DISC1: variants seen among roughly 807,000 people sequenced by gnomAD.
DISC1 encodes DISC1 scaffold protein.
A neutral mutation model predicts 84.5 loss-of-function variants in DISC1; 57 were observed. That is an observed-to-expected ratio of 0.67 (90% CI 0.55 to 0.84). The LOEUF is 0.84. Among genes scored for constraint, DISC1 ranks in the 40% least tolerant of loss-of-function variants. The pLI is 0.00. For synonymous variants in DISC1, 411 were observed against 415.2 expected, an observed-to-expected ratio of 0.99 and a Z score of 0.12; for missense variants, 1,000 against 1,057.8, an observed-to-expected ratio of 0.95 and a Z score of 0.76.
At chr1:231,662,004 G>A (rs1401784686) in intron 1 of DISC1, among the ~76,000 whole-genome samples, 1 of 152,180 alleles carries the variant, frequency 6.6e-6, no homozygotes, top group Non-Finnish European at 1.5e-5. Context: ...CTACCGTAGG[G>A]CTGCTGCAGT....
At chr1:232,017,341 T>C (rs970536335) in intron 11 of DISC1, among the ~76,000 whole-genome samples, 1 of 152,162 alleles carries the variant, frequency 6.6e-6, no homozygotes, top group Admixed American at 6.6e-5. Context: ...CAAGTAGCGT[T>C]TTTGGCTTGT....
chr1:231,991,222 C>A (rs1320236504), intron 10 of DISC1, among the ~76,000 whole-genome samples: 1 of 152,230 alleles, frequency 6.6e-6, no homozygotes, highest in Admixed American at 6.5e-5. Context: ...GATCTATTTC[C>A]ATTCCACTCT....
chr1:231,811,223 C>T (rs534439836), intron 8 of DISC1, among the ~76,000 whole-genome samples: 2 of 152,306 alleles, frequency 1.3e-5, no homozygotes, highest in East Asian at 3.9e-4. Flanking sequence ...AAATGCACAA[C>T]CCTGACAGAA....
chr1:231,985,659 CATAATAATGAAT>C (rs1248586143), intron 10 of DISC1, among the ~76,000 whole-genome samples: 2 of 152,168 alleles, frequency 1.3e-5, no homozygotes, highest in Non-Finnish European at 2.9e-5. Context: ...CAGTTTTGCA[CATAATAATGAAT>C]ATCTGTTATG....
At chr1:231,775,024 G>T (rs1011072221) in intron 6 of DISC1, among the ~76,000 whole-genome samples, 1 of 152,168 alleles carries the variant, frequency 6.6e-6, no homozygotes, top group Non-Finnish European at 1.5e-5. Flanking sequence ...TAGGCCAGAT[G>T]GAGAGAGCCA....
At chr1:231,788,995 T>C (rs1204119467) in intron 6 of DISC1, among the ~76,000 whole-genome samples, 3 of 151,824 alleles carry the variant, frequency 2.0e-5, no homozygotes, top group African/African-American at 7.3e-5. Context: ...CAAGTACTTC[T>C]CCAAAAATCC....
At chr1:231,919,891 C>T (rs1461511189) in intron 9 of DISC1, among the ~76,000 whole-genome samples, 1 of 152,180 alleles carries the variant, frequency 6.6e-6, no homozygotes, top group East Asian at 1.9e-4. Context: ...CATTTGCAGT[C>T]AGTGGCTTAA....
chr1:231,911,982 C>A (rs2089245443), intron 9 of DISC1, among the ~76,000 whole-genome samples: 1 of 152,134 alleles, frequency 6.6e-6, no homozygotes, highest in Admixed American at 6.5e-5. Context: ...GACACTTGTG[C>A]ATGTGTCACA....
intron 6 of DISC1, among the ~76,000 whole-genome samples, chr1:231,776,558 G>A (rs943802655): frequency 9.9e-5 from 15 of 152,152 alleles, no homozygotes; most frequent in African/African-American, 3.6e-4. Flanking sequence ...CAGGCCTTCT[G>A]CAGTATCCAT....
At chr1:231,997,434 C>A (rs1666098144) in intron 10 of DISC1, among the ~76,000 whole-genome samples, 1 of 152,118 alleles carries the variant, frequency 6.6e-6, no homozygotes, top group African/African-American at 2.4e-5. Context: ...CCTCAGGTAA[C>A]TGAAGGTGAT....
intron 3 of DISC1, chr1:231,723,719 C>T (rs2070213625): frequency 1.0e-6 from 1 of 985,366 alleles, no homozygotes; most frequent in African/African-American, 1.7e-5. Context: ...ATCTCTCCTT[C>T]CCTTCCCTGG....
intron 3 of DISC1, among the ~76,000 whole-genome samples, chr1:231,707,666 A>C (rs2067254550): frequency 6.6e-6 from 1 of 152,184 alleles, no homozygotes; most frequent in Non-Finnish European, 1.5e-5. Flanking sequence ...AAAAGAAGCT[A>C]AGATAGTGCA....
chr1:231,666,010 T>A (rs2061985073), intron 1 of DISC1, among the ~76,000 whole-genome samples: 1 of 152,214 alleles, frequency 6.6e-6, no homozygotes. Flanking sequence ...CCTTTCTGGC[T>A]CTTTTCTCTT....
At position 231,900,715 on chromosome 1, in the gene DISC1, T is replaced by C. The variant is rs148331009; in HGVS notation, c.1982-58113T>C. The stretch of plus-strand genomic sequence containing the variant: ...TATGCCAGATGCATTTTGTTCATTT[T>C]TAAAGAGCTCCTCAATGCTATTGCT... On this transcript the variant is annotated intron_variant, in intron 9 of 12. Coordinates refer to ENST00000439617, the MANE Select transcript of DISC1 (RefSeq NM_018662.3). Among the ~76,000 whole-genome samples the C allele has an allele frequency of 3.5e-3, 540 of 152,324 alleles. 3 individuals carry two copies. Among genetic ancestry groups the C allele is most frequent in the African/African-American group, 0.012 (519 of 41,574 alleles).
chr1:231,888,258 G>C (rs185350270), intron 9 of DISC1, among the ~76,000 whole-genome samples: 2 of 152,284 alleles, frequency 1.3e-5, no homozygotes, highest in African/African-American at 4.8e-5. Context: ...ACTGCACGGC[G>C]TCTGGAAGGC....
intron 9 of DISC1, among the ~76,000 whole-genome samples, chr1:231,886,433 T>A (rs921459630): frequency 2.6e-5 from 4 of 152,216 alleles, no homozygotes; most frequent in Non-Finnish European, 5.9e-5. Context: ...GTGTCTGAGT[T>A]TTGAATAAGG....
chr1:231,849,776 C>T (rs1361394957), intron 9 of DISC1, among the ~76,000 whole-genome samples: 3 of 152,208 alleles, frequency 2.0e-5, no homozygotes, highest in Non-Finnish European at 4.4e-5. Context: ...CTTCTCACCA[C>T]CATAACACGT....
chr1:231,863,220 CTTTTTTTTTTTTTTTTT>C (rs533463099), intron 9 of DISC1, among the ~76,000 whole-genome samples: 834 of 54,826 alleles, frequency 0.015, 23 homozygotes, highest in African/African-American at 0.057. Flanking sequence ...ATAAAATGTT[CTTTTTTTTTTTTTTTTT>C]TTTTTTTTTT....
intron 9 of DISC1, among the ~76,000 whole-genome samples, chr1:231,850,492 G>A (rs998154890): frequency 1.3e-5 from 2 of 152,220 alleles, no homozygotes; most frequent in African/African-American, 4.8e-5. Flanking sequence ...CGAGTTGTGC[G>A]GAGCACAAAG....
Sources: allele counts gnomAD v4.1 joint callset (sites outside exome capture counted in the v4.1 genomes callset), GRCh38; gene constraint gnomAD v4.1.1; transcripts MANE v1.5; gene names NCBI Gene and HGNC (gene_info 2026-07-23, HGNC 2026-07-21).